The following MKLN1 variants were observed in gnomAD, a reference collection of about 807,000 sequenced individuals.
The protein encoded by MKLN1 is muskelin.
In MKLN1, 18 loss-of-function variants were observed where a neutral mutation model predicts 99.0. The observed-to-expected ratio is 0.18, with a 90% CI of 0.13 to 0.27. The LOEUF (loss-of-function observed/expected upper bound fraction) is 0.27. Among genes scored for constraint, MKLN1 ranks in the 10% least tolerant of loss-of-function variants. The pLI is 1.00. For missense variants in MKLN1, 621 were observed against 875.9 expected (o/e 0.71, Z 3.67); for synonymous variants, 288 against 293.2 (o/e 0.98, Z 0.18).
At chr7:131,456,936 A>G (rs919999060) in intron 12 of MKLN1, among the ~76,000 whole-genome samples, 9 of 140,956 alleles carry the variant, frequency 6.4e-5, no homozygotes, top group African/African-American at 2.5e-4. Context: ...AACTGTCTCA[A>G]AAAAAAAAAA....
chr7:131,175,345 G>C (rs1169773462), intron 2 of MKLN1, among the ~76,000 whole-genome samples: 2 of 152,160 alleles, frequency 1.3e-5, no homozygotes, highest in Non-Finnish European at 2.9e-5. Context: ...ACTGACAATA[G>C]CTTAAGCAAA....
chr7:131,149,653 A>G (rs889727832), intron 2 of MKLN1, among the ~76,000 whole-genome samples: 1 of 152,374 alleles, frequency 6.6e-6, no homozygotes. Context: ...CACATTCCAA[A>G]CAAACAGTTT....
At chr7:131,288,587 G>A (rs1422891444) in intron 3 of MKLN1, among the ~76,000 whole-genome samples, 1 of 152,120 alleles carries the variant, frequency 6.6e-6, no homozygotes, top group Non-Finnish European at 1.5e-5. Context: ...ACTAATACAA[G>A]CCCCATGTCC....
intron 6 of MKLN1, among the ~76,000 whole-genome samples, chr7:131,401,700 A>G (rs1794549298): frequency 6.6e-6 from 1 of 152,158 alleles, no homozygotes; most frequent in African/African-American, 2.4e-5. Context: ...AGACCACTGC[A>G]GTGAAGTGAA....
At chr7:131,389,650 GA>G (rs1164729379) in intron 4 of MKLN1, among the ~76,000 whole-genome samples, 1 of 151,842 alleles carries the variant, frequency 6.6e-6, no homozygotes, top group East Asian at 1.9e-4. Flanking sequence ...TTTCCTATAG[GA>G]TTTATTATTT....
At chr7:131,343,040 A>G (rs1356718619) in intron 1 of MKLN1, among the ~76,000 whole-genome samples, 1 of 152,256 alleles carries the variant, frequency 6.6e-6, no homozygotes, top group East Asian at 1.9e-4. Context: ...AGTAAGTGAC[A>G]AAAGCAGTAA....
intron 1 of MKLN1, among the ~76,000 whole-genome samples, chr7:131,355,628 C>CTA (rs58377694): frequency 0.1 from 14,186 of 136,704 alleles, 929 homozygotes; most frequent in Middle Eastern, 0.24. Flanking sequence ...TAACTTGATA[C>CTA]TATATATATA....
intron 3 of MKLN1, among the ~76,000 whole-genome samples, chr7:131,216,093 C>T (rs540104983): frequency 4.6e-5 from 7 of 152,056 alleles, no homozygotes; most frequent in South Asian, 2.1e-4. Flanking sequence ...TTTGCATTTC[C>T]GGTCAAAAGA....
chr7:131,444,746 AGTAGTAGTAGT>A lies in MKLN1; in HGVS notation c.1396-1027_1396-1017del, dbSNP rs1379575783. Among the ~76,000 whole-genome samples, 396 of 100,994 alleles carry A rather than the reference AGTAGTAGTAGT, an allele frequency of 3.9e-3. 2 individuals are homozygous for A. Among genetic ancestry groups the A allele is most frequent in the African/African-American group, 0.014 (351 of 25,040 alleles). The allele number at this position is 100,994 out of a possible 152,430, so 66.3% of individuals were successfully genotyped here. A position where few individuals can be genotyped will look rare whatever the true frequency, so the allele number is the denominator to read the frequency against. ...TAGTAGTAGTAGTAGTAGTAGTAGT[AGTAGTAGTAGT>A]AGAAGAAGTAGTAGTAGTAGTAGTA... On this transcript the variant is annotated intron_variant, in intron 11 of 17. Coordinates refer to ENST00000352689, the MANE Select transcript of MKLN1 (RefSeq NM_013255.5).
At chr7:131,436,006 A>G (rs1340990032) in intron 9 of MKLN1, among the ~76,000 whole-genome samples, 1 of 152,130 alleles carries the variant, frequency 6.6e-6, no homozygotes. Flanking sequence ...TTTACACTCT[A>G]TGCATTATGG....
intron 2 of MKLN1, among the ~76,000 whole-genome samples, chr7:131,152,159 C>T (rs904927185): frequency 8.6e-5 from 13 of 152,018 alleles, no homozygotes; most frequent in African/African-American, 2.7e-4. Context: ...TTTGCCTCTA[C>T]AAAAAATTAA....
rs534770760 is a variant in MKLN1 at position 131,431,946 on chromosome 7, T to C, written c.960+2801T>C. Among the ~76,000 whole-genome samples, 7 of 152,318 alleles carry C rather than the reference T, an allele frequency of 4.6e-5. No homozygotes were observed. The South Asian group carries it at 1.5e-3, about 32-fold the overall frequency. On this transcript the variant is annotated intron_variant, in intron 9 of 17. Coordinates refer to ENST00000352689, the MANE Select transcript of MKLN1 (RefSeq NM_013255.5). The stretch of plus-strand genomic sequence containing the variant: ...CTAACTTTACCTAATAAATACCCAC[T>C]TATTCTTTAAAACTCAGTTCAGACT...
At chr7:131,119,722 TG>T (rs1795332696) in intron 1 of MKLN1, among the ~76,000 whole-genome samples, 1 of 152,182 alleles carries the variant, frequency 6.6e-6, no homozygotes, top group South Asian at 2.1e-4. Context: ...CACCAAAACT[TG>T]GGGCTTACAC....
At chr7:131,152,817 A>T (rs1054734390) in intron 2 of MKLN1, among the ~76,000 whole-genome samples, 3 of 152,022 alleles carry the variant, frequency 2.0e-5, no homozygotes, top group African/African-American at 7.2e-5. Flanking sequence ...AGGTTCATAC[A>T]CTGAAGTTGG....
intron 3 of MKLN1, among the ~76,000 whole-genome samples, chr7:131,233,973 C>A (rs956248317): frequency 6.6e-6 from 1 of 151,880 alleles, no homozygotes; most frequent in East Asian, 1.9e-4. Flanking sequence ...CTTTCCTTTT[C>A]TTTTTATTTT....
intron 2 of MKLN1, among the ~76,000 whole-genome samples, chr7:131,188,142 G>T (rs1024119175): frequency 5.9e-5 from 9 of 151,974 alleles, no homozygotes; most frequent in Non-Finnish European, 1.3e-4. Context: ...TTGCACATAC[G>T]TTACCCATAA....
intron 1 of MKLN1, among the ~76,000 whole-genome samples, chr7:131,363,165 A>T (rs1340770096): frequency 6.6e-6 from 1 of 151,926 alleles, no homozygotes; most frequent in Non-Finnish European, 1.5e-5. Flanking sequence ...GGGATAGACC[A>T]GTGCAGTTTT....
intron 12 of MKLN1, among the ~76,000 whole-genome samples, chr7:131,456,160 G>T (rs1238402373): frequency 6.6e-6 from 1 of 151,966 alleles, no homozygotes; most frequent in African/African-American, 2.4e-5. Flanking sequence ...ATATTAGAAT[G>T]AAAGCTGCTT....
At chr7:131,206,590 C>T (rs2116421233) in intron 3 of MKLN1, among the ~76,000 whole-genome samples, 1 of 142,260 alleles carries the variant, frequency 7.0e-6, no homozygotes, top group South Asian at 2.4e-4. Flanking sequence ...GGCTCTCACT[C>T]TGTTGCCCGG....
Sources: gnomAD v4.1 joint callset for allele counts (sites outside exome capture counted in the v4.1 genomes callset) on GRCh38, gnomAD v4.1.1 for gene constraint, MANE v1.5 for transcripts, NCBI Gene and HGNC (gene_info 2026-07-23, HGNC 2026-07-21) for gene names.